Variants in CSMD1 observed in about 807,000 individuals in gnomAD.
CSMD1 encodes CUB and sushi domain-containing protein 1.
A neutral mutation model predicts 417.5 loss-of-function variants in CSMD1; 213 were observed. That is an observed-to-expected ratio of 0.51 (90% CI 0.46 to 0.57). The LOEUF (loss-of-function observed/expected upper bound fraction) is 0.57, where lower values mean the gene tolerates loss of function less well. CSMD1 is among the 20% of genes least tolerant of loss of function. The pLI is 0.00. For synonymous variants in CSMD1, 2,862 were observed against 1,736.8 expected, an observed-to-expected ratio of 1.65 and a Z score of -16.11; for missense variants, 6,923 against 4,529.7, an observed-to-expected ratio of 1.53 and a Z score of -15.17.
At chr8:4,304,371 G>C (rs79174950) in intron 3 of CSMD1, among the ~76,000 whole-genome samples, 2 of 152,056 alleles carry the variant, frequency 1.3e-5, no homozygotes, top group African/African-American at 4.8e-5. Context: ...TTATCAAAGT[G>C]AGCTCATGTT....
At chr8:4,270,699 C>A (rs1335149899) in intron 3 of CSMD1, among the ~76,000 whole-genome samples, 2 of 152,154 alleles carry the variant, frequency 1.3e-5, no homozygotes, top group Non-Finnish European at 2.9e-5. Context: ...CCGTCTGATC[C>A]TTATTTTCAT....
At chr8:3,385,152 T>G (rs1161895261) in intron 18 of CSMD1, among the ~76,000 whole-genome samples, 1 of 135,070 alleles carries the variant, frequency 7.4e-6, no homozygotes. Context: ...AATATATAAA[T>G]ATATAATACA....
chr8:4,352,386 G>C (rs897424447), intron 3 of CSMD1, among the ~76,000 whole-genome samples: 3 of 152,168 alleles, frequency 2.0e-5, no homozygotes, highest in Non-Finnish European at 4.4e-5. Flanking sequence ...AAATATGTCT[G>C]TAGATCCACA....
chr8:4,076,948 G>T (rs543418868), intron 3 of CSMD1, among the ~76,000 whole-genome samples: 1 of 151,954 alleles, frequency 6.6e-6, no homozygotes, highest in Admixed American at 6.6e-5. Flanking sequence ...TCTTACACAA[G>T]GATAACACTT....
At chr8:4,094,940 CT>C (rs1303237184) in intron 3 of CSMD1, among the ~76,000 whole-genome samples, 1 of 152,056 alleles carries the variant, frequency 6.6e-6, no homozygotes, top group Non-Finnish European at 1.5e-5. Flanking sequence ...AGGTTTTGAA[CT>C]GGGAATGGGG....
intron 3 of CSMD1, among the ~76,000 whole-genome samples, chr8:4,330,814 T>G (rs1395006942): frequency 6.6e-6 from 1 of 152,096 alleles, no homozygotes; most frequent in East Asian, 1.9e-4. Flanking sequence ...GAAGCACTGT[T>G]CATTCTTGCA....
At chr8:3,553,301 A>G (rs1798998742) in intron 10 of CSMD1, among the ~76,000 whole-genome samples, 1 of 152,194 alleles carries the variant, frequency 6.6e-6, no homozygotes, top group South Asian at 2.1e-4. Context: ...GGTGAAATGG[A>G]GACATGAGAG....
At position 4,946,748 on chromosome 8, in the gene CSMD1, G is replaced by C. The variant is rs114429858; in HGVS notation, c.85+47584C>G. On this transcript the variant is annotated intron_variant, in intron 1 of 69. Transcript: ENST00000635120. Reference sequence around the variant, plus strand: ...GTTGGTGTACAGTTCAGCATCAGTAGGTTCAGTTATAACACCAATGTTACT... The same window carrying C: ...GTTGGTGTACAGTTCAGCATCAGTACGTTCAGTTATAACACCAATGTTACT... Among the ~76,000 whole-genome samples, 891 of 152,226 alleles carry C rather than the reference G, an allele frequency of 5.9e-3. 10 individuals carry two copies. Among genetic ancestry groups the C allele is most frequent in the South Asian group, 0.028 (134 of 4,820 alleles).
chr8:4,444,734 G>A (rs1490986486), intron 2 of CSMD1, among the ~76,000 whole-genome samples: 1 of 152,112 alleles, frequency 6.6e-6, no homozygotes, highest in East Asian at 1.9e-4. Flanking sequence ...AAATAATGAG[G>A]TAAAATGATA....
chr8:4,903,993 CTTCA>C (rs1435270830), intron 1 of CSMD1, among the ~76,000 whole-genome samples: 5 of 152,196 alleles, frequency 3.3e-5, no homozygotes, highest in Admixed American at 2.0e-4. Context: ...AATCATATGG[CTTCA>C]TTTTGTATTT....
intron 2 of CSMD1, among the ~76,000 whole-genome samples, chr8:4,619,596 A>C (rs891703965): frequency 6.6e-6 from 1 of 152,120 alleles, no homozygotes; most frequent in African/African-American, 2.4e-5. Context: ...ACATCCAGTT[A>C]TATTTTCCAC....
intron 2 of CSMD1, among the ~76,000 whole-genome samples, chr8:4,580,667 C>CA (rs1238491622): frequency 6.6e-6 from 1 of 152,118 alleles, no homozygotes; most frequent in Non-Finnish European, 1.5e-5. Context: ...CCTGGCTGAG[C>CA]AAAATGCACC....
chr8:3,025,776 G>C (rs1228500331), intron 51 of CSMD1, among the ~76,000 whole-genome samples: 1 of 152,078 alleles, frequency 6.6e-6, no homozygotes, highest in African/African-American at 2.4e-5. Flanking sequence ...TTTTTGCTTT[G>C]TTTGAAAATG....
intron 36 of CSMD1, among the ~76,000 whole-genome samples, chr8:3,187,273 G>C (rs1384762882): frequency 6.6e-6 from 1 of 152,176 alleles, no homozygotes; most frequent in Non-Finnish European, 1.5e-5. Flanking sequence ...AGGATATCCT[G>C]TTAAACAAAA....
chr8:4,358,460 G>A (rs1032280579), intron 3 of CSMD1, among the ~76,000 whole-genome samples: 5 of 152,206 alleles, frequency 3.3e-5, no homozygotes, highest in African/African-American at 1.2e-4. Context: ...CCTGGGGGGA[G>A]CTGCCACTGG....
At chr8:3,825,228 C>T (rs1310045173) in intron 5 of CSMD1, among the ~76,000 whole-genome samples, 1 of 152,054 alleles carries the variant, frequency 6.6e-6, no homozygotes, top group Non-Finnish European at 1.5e-5. Flanking sequence ...AATCCAAAGT[C>T]CCATCAAGAG....
Position 3,075,267 on chromosome 8 carries a change from C to CTTTCTTTTTTTTTTTTTTTTTTTTTT in CSMD1, c.7474+11829_7474+11830insAAAAAAAAAAAAAAAAAAAAAAGAAA, listed in dbSNP as rs1563310525. 1.4e-5 allele frequency among the ~76,000 whole-genome samples: 2 copies of CTTTCTTTTTTTTTTTTTTTTTTTTTT among 143,312 alleles called. 1 individual carries two copies. 94.0% of individuals were successfully genotyped at this position (143,312 alleles called of 152,430 possible). On this transcript the variant is annotated intron_variant, in intron 49 of 69. Coordinates refer to ENST00000635120, the MANE Select transcript of CSMD1 (RefSeq NM_033225.6). ...AGCCTCAGGTATTTCTTTTTCTTTTCTTTTCTTTCTTTCTTTTTTTTTTTT... is the reference window on the plus strand; with the variant it reads ...AGCCTCAGGTATTTCTTTTTCTTTTCTTTCTTTTTTTTTTTTTTTTTTTTTTTTTTCTTTCTTTCTTTTTTTTTTTT...
chr8:3,628,784 C>A (rs1208423008), intron 7 of CSMD1, among the ~76,000 whole-genome samples: 1 of 152,166 alleles, frequency 6.6e-6, no homozygotes, highest in African/African-American at 2.4e-5. Flanking sequence ...TTATTAGTGG[C>A]TTCCTAGTTT....
chr8:3,566,762 A>G (rs1047928806), intron 10 of CSMD1, among the ~76,000 whole-genome samples: 1 of 152,214 alleles, frequency 6.6e-6, no homozygotes, highest in Admixed American at 6.5e-5. Flanking sequence ...GGCTATTATT[A>G]AAAAGTCAGA....
Sources: allele counts gnomAD v4.1 joint callset (sites outside exome capture counted in the v4.1 genomes callset), GRCh38; gene constraint gnomAD v4.1.1; transcripts MANE v1.5; gene names NCBI Gene and HGNC (gene_info 2026-07-23, HGNC 2026-07-21).